RSPO3: variants seen among roughly 807,000 people sequenced by gnomAD.
The protein encoded by RSPO3 is R-spondin-3.
A neutral mutation model predicts 36.5 loss-of-function variants in RSPO3; 17 were observed. The observed-to-expected ratio is 0.47, with a 90% confidence interval of 0.32 to 0.70. The LOEUF is 0.70. RSPO3 is among the 30% of genes least tolerant of loss of function. The probability of loss-of-function intolerance (pLI) is 0.04; values close to 1 mark genes in which losing one functional copy is unlikely to be tolerated. For synonymous variants in RSPO3, 108 were observed against 107.0 expected (o/e 1.01, Z -0.06); for missense variants, 294 against 322.5 (o/e 0.91, Z 0.68).
At chr6:127,150,675 G>C (rs1016464595) in intron 3 of RSPO3, 103 bp downstream of exon 3, 1 of 1,119,174 alleles carries the variant, frequency 8.9e-7, no homozygotes, top group Non-Finnish European at 1.3e-6. Context: ...CTTGGGCTGA[G>C]ATCTCTTAAA....
chr6:127,183,990 A>G (rs114298970), intron 4 of RSPO3, among the ~76,000 whole-genome samples: 4,025 of 152,124 alleles, frequency 0.026, 64 homozygotes, highest in African/African-American at 0.045. Context: ...AGAAGTGCCA[A>G]GAAAAAGGGG....
At chr6:127,138,710 C>T (rs1166507656) in intron 1 of RSPO3, among the ~76,000 whole-genome samples, 3 of 152,076 alleles carry the variant, frequency 2.0e-5, no homozygotes, top group Non-Finnish European at 4.4e-5. Flanking sequence ...AAAAGTTAAA[C>T]AACTTTTGTC....
At chr6:127,120,069 G>A (rs1387380736) in intron 1 of RSPO3, 1 of 152,376 alleles carries the variant, frequency 6.6e-6, no homozygotes, top group Non-Finnish European at 1.5e-5. Context: ...AGAGAGTGGG[G>A]TCTCCCTAAA....
chr6:127,127,011 G>A (rs1276273961), intron 1 of RSPO3, among the ~76,000 whole-genome samples: 2 of 151,966 alleles, frequency 1.3e-5, no homozygotes, highest in African/African-American at 4.8e-5. Flanking sequence ...ACACAGTAAC[G>A]CAATGTGCTA....
intron 4 of RSPO3, among the ~76,000 whole-genome samples, chr6:127,167,389 TGTGTTA>T (rs1774842868): frequency 6.6e-6 from 1 of 152,034 alleles, no homozygotes; most frequent in Non-Finnish European, 1.5e-5. Flanking sequence ...TTTCTGGTCC[TGTGTTA>T]GTTTGCTGAG....
At chr6:127,119,510 G>C (rs1773794279) in intron 1 of RSPO3, among the ~76,000 whole-genome samples, 1 of 152,214 alleles carries the variant, frequency 6.6e-6, no homozygotes, top group Non-Finnish European at 1.5e-5. Flanking sequence ...AGGGGCGGGC[G>C]GACGCGGCGC....
chr6:127,135,174 C>A (rs1245124554), intron 1 of RSPO3, among the ~76,000 whole-genome samples: 2 of 152,198 alleles, frequency 1.3e-5, no homozygotes, highest in African/African-American at 2.4e-5. Context: ...GTAATCCCAG[C>A]ACTTTGGGAG....
chr6:127,134,481 C>T (rs1208343761), intron 1 of RSPO3, among the ~76,000 whole-genome samples: 1 of 152,096 alleles, frequency 6.6e-6, no homozygotes, highest in East Asian at 1.9e-4. Context: ...ATTTTCAAAC[C>T]TTTTATGGTA....
chr6:127,178,517 A>C (rs567650399), intron 4 of RSPO3, among the ~76,000 whole-genome samples: 2 of 151,768 alleles, frequency 1.3e-5, no homozygotes, highest in Admixed American at 6.6e-5. Context: ...TGAATTTTCA[A>C]AGAAAAACAT....
chr6:127,145,018 C>T (rs1295034384), intron 1 of RSPO3, among the ~76,000 whole-genome samples: 1 of 152,108 alleles, frequency 6.6e-6, no homozygotes, highest in Non-Finnish European at 1.5e-5. Flanking sequence ...ATCTATTAAG[C>T]ATCACTCTCT....
intron 1 of RSPO3, among the ~76,000 whole-genome samples, chr6:127,131,240 C>T (rs963269427): frequency 4.6e-5 from 7 of 152,022 alleles, no homozygotes; most frequent in Non-Finnish European, 8.8e-5. Flanking sequence ...TGTGACCATA[C>T]CCCAAAGTTT....
chr6:127,120,975 G>A (rs546324996), intron 1 of RSPO3, among the ~76,000 whole-genome samples: 2 of 152,374 alleles, frequency 1.3e-5, no homozygotes, highest in South Asian at 2.1e-4. Context: ...CCCAGGGTCT[G>A]GCCTGGGGAA....
chr6:127,150,093 C>T (rs970400598), intron 2 of RSPO3, among the ~76,000 whole-genome samples: 52 of 151,884 alleles, frequency 3.4e-4, no homozygotes, highest in African/African-American at 1.2e-3. Flanking sequence ...TGTATGTTTT[C>T]TTAAGGTTCT....
chr6:127,191,198 C>T (rs757563332), intron 4 of RSPO3, among the ~76,000 whole-genome samples: 16 of 152,070 alleles, frequency 1.1e-4, no homozygotes, highest in African/African-American at 2.9e-4. Flanking sequence ...AAGTCAAAAA[C>T]GTATTTGATA....
At chr6:127,194,023 T>C (rs1438484516) in intron 4 of RSPO3, among the ~76,000 whole-genome samples, 1 of 152,200 alleles carries the variant, frequency 6.6e-6, no homozygotes, top group Non-Finnish European at 1.5e-5. Flanking sequence ...TGAAGGTATG[T>C]TGTGCTGAGC....
chr6:127,150,564 T>C lies in RSPO3; in HGVS notation c.428T>C (p.Val143Ala). The C allele has an allele frequency of 6.2e-7, 1 of 1,608,476 alleles. No homozygotes were observed. The highest frequency in any genetic ancestry group is 1.1e-5 in the South Asian group (1 of 90,114). Residue 143 changes from valine (V) to alanine (A), a missense_variant, in exon 3 of 5, where the codon GTC becomes GCC. Around this residue, in one of 3 missense-constraint regions of RSPO3, gnomAD observed 190 missense variants for 185.2 expected, o/e 1.03. Transcript: ENST00000356698. ...LEANNHTMEC[V>A]SIVHCEVSEW... ...GCCAACAACCATACTATGGAGTGTG[T>C]CAGTATTGGTAAGGAGAACCTGTAA...
chr6:127,146,361 A>T (rs1774384109), intron 1 of RSPO3, among the ~76,000 whole-genome samples: 1 of 152,096 alleles, frequency 6.6e-6, no homozygotes, highest in Non-Finnish European at 1.5e-5. Flanking sequence ...TTTCATCAGT[A>T]AAAGTTTTAG....
At chr6:127,130,405 T>C (rs1382371503) in intron 1 of RSPO3, among the ~76,000 whole-genome samples, 3 of 152,126 alleles carry the variant, frequency 2.0e-5, no homozygotes, top group Non-Finnish European at 2.9e-5. Context: ...AGTTTAAATA[T>C]GTGGATGAGT....
chr6:127,147,400 GA>G (rs1202284276), intron 1 of RSPO3, among the ~76,000 whole-genome samples: 2 of 152,112 alleles, frequency 1.3e-5, no homozygotes, highest in African/African-American at 4.8e-5. Context: ...AGAGAAGCCA[GA>G]AATACACTGG....
Sources: gnomAD v4.1 joint callset for allele counts (sites outside exome capture counted in the v4.1 genomes callset) on GRCh38, gnomAD v4.1.1 for gene constraint, gnomAD v4.1.1 regional missense constraint, MANE v1.5 for transcripts, NCBI Gene and HGNC (gene_info 2026-07-23, HGNC 2026-07-21) for gene names.